The following RFX3 variants were observed in gnomAD, a reference collection of about 807,000 sequenced individuals.
The protein encoded by RFX3 is transcription factor RFX3.
RFX3 carries 14 observed loss-of-function variants against 98.6 expected under a neutral mutation model. The ratio of observed to expected loss-of-function variants is 0.14; its 90% CI spans 0.09 to 0.22. RFX3 has a LOEUF of 0.22. Ranked by LOEUF, RFX3 falls within the 10% of genes least tolerant of loss-of-function variation. The probability of loss-of-function intolerance (pLI) is 1.00; values close to 1 mark genes in which losing one functional copy is unlikely to be tolerated. For synonymous variants in RFX3, 383 were observed against 328.4 expected, an observed-to-expected ratio of 1.17 and a Z score of -1.80; for missense variants, 639 against 926.9, an observed-to-expected ratio of 0.69 and a Z score of 4.03.
At chr9:3,472,704 T>A (rs1478025529) in intron 1 of RFX3, among the ~76,000 whole-genome samples, 2 of 152,204 alleles carry the variant, frequency 1.3e-5, no homozygotes, top group Non-Finnish European at 2.9e-5. Context: ...CAACCATTAT[T>A]TTGTCAGTGA....
In RFX3 at chr9:3,504,952, A is replaced by ATATTATATATAATATATCT. The variant is rs1564185991; in HGVS notation, c.-9+20794_-9+20795insAGATATATTATATATAATA. 6.6e-3 allele frequency among the ~76,000 whole-genome samples: 458 copies of ATATTATATATAATATATCT among 69,352 alleles called. 9 individuals are homozygous for ATATTATATATAATATATCT. The highest frequency in any genetic ancestry group is 0.046 in the East Asian group (55 of 1,186). 45.5% of individuals were successfully genotyped at this position (69,352 alleles called of 152,430 possible). On this transcript the variant is annotated intron_variant, in intron 1 of 16. Coordinates refer to ENST00000617270, the MANE Select transcript of RFX3 (RefSeq NM_001282116.2). ...TTATATATAATATATATAATATAAT[A>ATATTATATATAATATATCT]TATATTATATATAATATATATTATA...
chr9:3,248,381 G>A (rs1045165189), intron 14 of RFX3, among the ~76,000 whole-genome samples, 196 bp from the exon 15 acceptor site: 2 of 152,086 alleles, frequency 1.3e-5, no homozygotes, highest in East Asian at 3.8e-4. Context: ...TAATCCTCAC[G>A]GAGACTTGAT....
chr9:3,401,461 G>C (rs949864447), intron 1 of RFX3, among the ~76,000 whole-genome samples: 2 of 152,208 alleles, frequency 1.3e-5, no homozygotes, highest in South Asian at 2.1e-4. Flanking sequence ...TCCAGCAGTG[G>C]TTTCTGGTGT....
chr9:3,328,968 G>A (rs1393979761), intron 4 of RFX3, among the ~76,000 whole-genome samples: 1 of 152,144 alleles, frequency 6.6e-6, no homozygotes, highest in East Asian at 1.9e-4. Flanking sequence ...TTTCATTGCT[G>A]CTTTAGCTAT....
chr9:3,307,147 C>G (rs1829422344), intron 4 of RFX3, among the ~76,000 whole-genome samples: 1 of 152,124 alleles, frequency 6.6e-6, no homozygotes. Flanking sequence ...TGAGGCTTCC[C>G]CAGCCACGAT....
intron 2 of RFX3, among the ~76,000 whole-genome samples, chr9:3,374,401 T>C (rs984460439): frequency 7.9e-5 from 12 of 151,254 alleles, no homozygotes; most frequent in Non-Finnish European, 1.2e-4. Flanking sequence ...TAATTCCCAA[T>C]AGTACAGCTT....
chr9:3,289,547 T>C (rs747807735), intron 6 of RFX3, among the ~76,000 whole-genome samples: 4 of 152,034 alleles, frequency 2.6e-5, no homozygotes. Context: ...AGAGGTACGG[T>C]AGGAAGCAGG....
intron 1 of RFX3, among the ~76,000 whole-genome samples, chr9:3,518,035 C>T (rs778688205): frequency 6.6e-6 from 1 of 152,194 alleles, no homozygotes; most frequent in African/African-American, 2.4e-5. Flanking sequence ...TACACAAATA[C>T]TTATCTCTGA....
At chr9:3,521,278 A>G (rs1818684274) in intron 1 of RFX3, among the ~76,000 whole-genome samples, 1 of 152,234 alleles carries the variant, frequency 6.6e-6, no homozygotes, top group South Asian at 2.1e-4. Flanking sequence ...AATGCCAGAC[A>G]GTGCCAAAGA....
intron 16 of RFX3, among the ~76,000 whole-genome samples, chr9:3,228,051 C>G (rs1304170177): frequency 6.6e-6 from 1 of 152,166 alleles, no homozygotes; most frequent in Non-Finnish European, 1.5e-5. Context: ...TCTTTAACAC[C>G]TCAAGAGACC....
intron 1 of RFX3, among the ~76,000 whole-genome samples, chr9:3,485,323 C>T (rs1489406923): frequency 2.0e-5 from 3 of 152,094 alleles, no homozygotes; most frequent in East Asian, 1.9e-4. Flanking sequence ...TATTCTGTGC[C>T]AGGCACTGGA....
At chr9:3,420,498 G>C (rs1427139580) in intron 1 of RFX3, among the ~76,000 whole-genome samples, 1 of 152,144 alleles carries the variant, frequency 6.6e-6, no homozygotes, top group East Asian at 1.9e-4. Context: ...AGGTAGTATA[G>C]ATATTTTTTA....
At chr9:3,331,162 G>A (rs978689766) in intron 3 of RFX3, among the ~76,000 whole-genome samples, 7 of 152,078 alleles carry the variant, frequency 4.6e-5, no homozygotes, top group Non-Finnish European at 1.5e-5. Context: ...CTACAGTCAA[G>A]CTTCTGCCCT....
chr9:3,408,383 C>T (rs953112526), intron 1 of RFX3, among the ~76,000 whole-genome samples: 4 of 152,072 alleles, frequency 2.6e-5, no homozygotes, highest in African/African-American at 9.7e-5. Context: ...CAGGGCCATC[C>T]TTCCTTGGTG....
At chr9:3,394,381 T>C (rs1840639951) in intron 2 of RFX3, among the ~76,000 whole-genome samples, 1 of 152,166 alleles carries the variant, frequency 6.6e-6, no homozygotes, top group Non-Finnish European at 1.5e-5. Context: ...GAGAATGGTG[T>C]GAACCCGGGA....
intron 3 of RFX3, chr9:3,344,667 A>G: frequency 1.7e-6 from 1 of 583,726 alleles, no homozygotes; most frequent in Middle Eastern, 2.6e-4. Flanking sequence ...CCATTCTCAC[A>G]TTCCCCTGCA....
At chr9:3,524,877 A>T (rs10972359) in intron 1 of RFX3, among the ~76,000 whole-genome samples, 1 of 99,650 alleles carries the variant, frequency 1.0e-5, no homozygotes, top group Admixed American at 1.1e-4. Context: ...ACACACACAC[A>T]CCAAAGAAGA....
At chr9:3,349,833 A>T (rs906632748) in intron 2 of RFX3, among the ~76,000 whole-genome samples, 1 of 152,134 alleles carries the variant, frequency 6.6e-6, no homozygotes, top group African/African-American at 2.4e-5. Flanking sequence ...AAATATTATG[A>T]CATAAAATAA....
In RFX3 at chr9:3,318,400, A is replaced by T. The variant is rs562525507; in HGVS notation, c.474+11859T>A. ...GGTGGAGGGAGCGGGGAGGGATAGCATTAGGAGATATACCTAATGTAAATG... is the reference window on the plus strand; with the variant it reads ...GGTGGAGGGAGCGGGGAGGGATAGCTTTAGGAGATATACCTAATGTAAATG... On this transcript the variant is annotated intron_variant, in intron 4 of 16. Transcript: ENST00000617270. 2.6e-5 allele frequency among the ~76,000 whole-genome samples: 4 copies of T among 152,268 alleles called. No individual in the cohort carries two copies. The East Asian group carries it at 7.7e-4, about 29-fold the overall frequency.
Sources: allele counts gnomAD v4.1 joint callset (sites outside exome capture counted in the v4.1 genomes callset), GRCh38; gene constraint gnomAD v4.1.1; transcripts MANE v1.5; gene names NCBI Gene and HGNC (gene_info 2026-07-23, HGNC 2026-07-21).